The following NBEA variants were observed in gnomAD, a reference collection of about 807,000 sequenced individuals.
NBEA encodes the protein neurobeachin, also known as lysosomal-trafficking regulator 2.
Under a neutral mutation model 343.4 loss-of-function variants are expected in NBEA, and 44 were observed. The ratio of observed to expected loss-of-function variants is 0.13; its 90% CI spans 0.10 to 0.16. NBEA has a LOEUF of 0.16. Among genes scored for constraint, NBEA ranks in the 10% least tolerant of loss-of-function variants. The pLI, the probability that NBEA is intolerant of heterozygous loss-of-function variation, is 1.00. For missense variants in NBEA, 2,555 were observed against 3,631.3 expected (o/e 0.70, Z 7.62); for synonymous variants, 1,175 against 1,238.7 (o/e 0.95, Z 1.08).
intron 49 of NBEA, among the ~76,000 whole-genome samples, chr13:35,644,993 A>T (rs996685910): frequency 6.6e-6 from 1 of 152,252 alleles, no homozygotes; most frequent in Non-Finnish European, 1.5e-5. Context: ...CGCGATGGCT[A>T]AAATATGGCA....
chr13:35,105,070 G>C (rs867034112), intron 11 of NBEA, among the ~76,000 whole-genome samples: 8 of 151,888 alleles, frequency 5.3e-5, no homozygotes, highest in Admixed American at 6.6e-5. Flanking sequence ...AGAGATGAGG[G>C]AAATAAGTGT....
In NBEA at chr13:35,202,118, C is replaced by A. The variant is rs889872858; in HGVS notation, c.5366+5816C>A. Among the ~76,000 whole-genome samples the A allele has an allele frequency of 2.0e-5, 3 of 152,060 alleles. No individual in the cohort carries two copies. The East Asian group carries it at 5.8e-4, about 29-fold the overall frequency. On this transcript the variant is annotated intron_variant, in intron 31 of 58. Coordinates refer to ENST00000379939, the MANE Select transcript of NBEA (RefSeq NM_001385012.1). ...TGTTTTTTCATGTCTCTTTGCCTTG[C>A]TAGGTTTTTACTATTAAATTTTTGT... is the stretch of plus-strand genomic sequence containing the variant.
intron 28 of NBEA, among the ~76,000 whole-genome samples, chr13:35,180,986 G>T (rs1268345517): frequency 6.6e-6 from 1 of 151,808 alleles, no homozygotes; most frequent in East Asian, 1.9e-4. Context: ...CCAGGTTGCT[G>T]CGAATGCCAT....
intron 41 of NBEA, among the ~76,000 whole-genome samples, chr13:35,524,186 A>G (rs748461267): frequency 3.3e-5 from 5 of 152,314 alleles, no homozygotes; most frequent in Non-Finnish European, 7.4e-5. Flanking sequence ...TCTATACCAC[A>G]TGTTACCCAC....
At chr13:35,561,057 T>C (rs1257910103) in intron 44 of NBEA, among the ~76,000 whole-genome samples, 2 of 152,220 alleles carry the variant, frequency 1.3e-5, no homozygotes, top group East Asian at 3.8e-4. Flanking sequence ...CTTTGAGAAT[T>C]ACTGCCCTAT....
At chr13:35,399,937 T>G (rs761261937) in intron 38 of NBEA, among the ~76,000 whole-genome samples, 13 of 152,018 alleles carry the variant, frequency 8.6e-5, no homozygotes, top group Non-Finnish European at 1.8e-4. Flanking sequence ...AACAACCAGT[T>G]GGTGTAGCAG....
intron 39 of NBEA, among the ~76,000 whole-genome samples, chr13:35,444,001 A>G (rs1354744794): frequency 6.6e-6 from 1 of 152,016 alleles, no homozygotes; most frequent in Admixed American, 6.6e-5. Flanking sequence ...TGGAATTTAG[A>G]TGATTTACAA....
intron 48 of NBEA, among the ~76,000 whole-genome samples, chr13:35,614,329 A>C (rs1332626389): frequency 6.6e-6 from 1 of 152,198 alleles, no homozygotes; most frequent in African/African-American, 2.4e-5. Context: ...CAAGTTTATC[A>C]TCCTGAGTAC....
At chr13:35,200,676 A>AT (rs1423629390) in intron 31 of NBEA, among the ~76,000 whole-genome samples, 2 of 151,826 alleles carry the variant, frequency 1.3e-5, no homozygotes, top group African/African-American at 2.4e-5. Context: ...ACTAGTAGGT[A>AT]TTTTTTCCTC....
chr13:35,000,173 A>T (rs912371440), intron 1 of NBEA, among the ~76,000 whole-genome samples: 1 of 152,316 alleles, frequency 6.6e-6, no homozygotes, highest in Admixed American at 6.5e-5. Context: ...AAACTTTTTC[A>T]TAGATCATTG....
In NBEA at chr13:35,616,912, G is replaced by A. The variant is rs2082763422; in HGVS notation, c.7449+10334G>A. On this transcript the variant is annotated intron_variant, in intron 48 of 58. Transcript: ENST00000379939. Reference sequence around the variant, plus strand: ...TTCAAAGTGTGCTTCTTTAAAATAAGCCTCACGGTGTAGCATCCCTGTAAA... The same window carrying A: ...TTCAAAGTGTGCTTCTTTAAAATAAACCTCACGGTGTAGCATCCCTGTAAA... Among the ~76,000 whole-genome samples, 4 of 152,288 alleles carry A rather than the reference G, an allele frequency of 2.6e-5. 1 individual carries two copies. In the South Asian group the frequency reaches 8.3e-4, roughly 32 times the overall value.
rs142892775 is a variant in NBEA, at chr13:35,363,128, C to G, written c.6179+10805C>G. On this transcript the variant is annotated intron_variant, in intron 38 of 58. Transcript: ENST00000379939. ...TTATTTAAATCCAGTTTAATTTGCT[C>G]CTAGCCCCTCCATGGGGCTGGTTGG... Among the ~76,000 whole-genome samples, 356 of 152,000 alleles carry G rather than the reference C, an allele frequency of 2.3e-3. 3 individuals carry two copies. The highest frequency in any genetic ancestry group is 7.9e-3 in the African/African-American group (330 of 41,538).
chr13:35,495,092 A>G (rs1047349016), intron 41 of NBEA, among the ~76,000 whole-genome samples: 2 of 152,034 alleles, frequency 1.3e-5, no homozygotes, highest in Non-Finnish European at 2.9e-5. Flanking sequence ...TGTGCTCTCT[A>G]CATACAACCA....
chr13:35,344,670 T>G (rs543668702), intron 36 of NBEA, among the ~76,000 whole-genome samples: 30 of 152,138 alleles, frequency 2.0e-4, no homozygotes, highest in African/African-American at 7.0e-4. Flanking sequence ...AAATGAGCAA[T>G]GTCCTAGAAA....
At chr13:35,088,602 C>A (rs1318373452) in intron 10 of NBEA, among the ~76,000 whole-genome samples, 2 of 151,774 alleles carry the variant, frequency 1.3e-5, no homozygotes, top group African/African-American at 4.8e-5. Context: ...TGAAAGATAA[C>A]TAAGAATTAG....
At chr13:35,199,511 G>T (rs1201346257) in intron 31 of NBEA, among the ~76,000 whole-genome samples, 1 of 152,054 alleles carries the variant, frequency 6.6e-6, no homozygotes, top group African/African-American at 2.4e-5. Flanking sequence ...TAATAATATT[G>T]TACAGTCTCA....
At chr13:35,272,765 A>G (rs1282207092) in intron 34 of NBEA, among the ~76,000 whole-genome samples, 1 of 152,230 alleles carries the variant, frequency 6.6e-6, no homozygotes, top group Non-Finnish European at 1.5e-5. Context: ...AAAGAAGGCC[A>G]TTATATAATG....
chr13:35,538,877 G>T (rs180823816), intron 41 of NBEA, among the ~76,000 whole-genome samples: 11 of 152,188 alleles, frequency 7.2e-5, no homozygotes, highest in African/African-American at 2.7e-4. Flanking sequence ...TCAATCCAGG[G>T]TGGTGGCATA....
rs79397822 is a variant in NBEA, at chr13:35,466,782, T to C, written c.6449-5618T>C. On this transcript the variant is annotated intron_variant, in intron 40 of 58. Transcript: ENST00000379939. ...CCATGCCCAGCCCTAAAAAAAAAGTTTGAAAATTTCAAAATACCATTGCTC... is the reference window on the plus strand; with the variant it reads ...CCATGCCCAGCCCTAAAAAAAAAGTCTGAAAATTTCAAAATACCATTGCTC... Among the ~76,000 whole-genome samples the C allele has an allele frequency of 4.5e-3, 683 of 152,266 alleles. 28 individuals carry two copies. The East Asian group carries it at 0.1, about 23-fold the overall frequency.
Sources: gnomAD v4.1 joint callset for allele counts (sites outside exome capture counted in the v4.1 genomes callset) on GRCh38, gnomAD v4.1.1 for gene constraint, MANE v1.5 for transcripts, NCBI Gene and HGNC (gene_info 2026-07-23, HGNC 2026-07-21) for gene names.